Variants in CACNA2D3 observed in about 807,000 individuals in gnomAD.
CACNA2D3 encodes the protein calcium voltage-gated channel auxiliary subunit alpha2delta 3.
A neutral mutation model predicts 160.6 loss-of-function variants in CACNA2D3; 60 were observed. The observed-to-expected ratio is 0.37, with a 90% CI of 0.30 to 0.46. The LOEUF (loss-of-function observed/expected upper bound fraction) is 0.46. CACNA2D3 is among the 20% of genes least tolerant of loss of function. The pLI, the probability that CACNA2D3 is intolerant of heterozygous loss-of-function variation, is 1.00. For synonymous variants in CACNA2D3, 558 were observed against 492.9 expected (o/e 1.13, Z -1.75); for missense variants, 1,205 against 1,365.0 (o/e 0.88, Z 1.85).
At chr3:54,576,771 A>T (rs910427169) in intron 8 of CACNA2D3, among the ~76,000 whole-genome samples, 8 of 152,202 alleles carry the variant, frequency 5.3e-5, no homozygotes, top group African/African-American at 1.9e-4. Flanking sequence ...GCAGTGGCTC[A>T]TGCCTATAAT....
intron 4 of CACNA2D3, among the ~76,000 whole-genome samples, chr3:54,438,372 T>C (rs943731637): frequency 6.6e-6 from 1 of 152,246 alleles, no homozygotes; most frequent in African/African-American, 2.4e-5. Context: ...ATGGGTGATT[T>C]ACCTTTACCA....
intron 2 of CACNA2D3, among the ~76,000 whole-genome samples, chr3:54,199,231 C>T (rs144283669): frequency 4.6e-5 from 7 of 152,324 alleles, no homozygotes; most frequent in African/African-American, 1.7e-4. Flanking sequence ...CTGGTTTCCT[C>T]TGTATCCCCA....
chr3:54,996,526 T>A (rs1353062436), intron 31 of CACNA2D3, among the ~76,000 whole-genome samples: 1 of 152,192 alleles, frequency 6.6e-6, no homozygotes, highest in Non-Finnish European at 1.5e-5. Flanking sequence ...GGGACTGTCT[T>A]GATGCTTGAA....
In CACNA2D3 at chr3:54,810,782, A is replaced by G. The variant is rs910699156; in HGVS notation, c.1381-6071A>G. 3.9e-5 allele frequency among the ~76,000 whole-genome samples: 6 copies of G among 152,240 alleles called. No homozygotes were observed. In the East Asian group the frequency reaches 1.2e-3, roughly 29 times the overall value. ...GTTTGGAACTTCGTTGAGCTAGAGC[A>G]CTAGATGTCCCTTCAATCACCCCCA... is the stretch of plus-strand genomic sequence containing the variant. On this transcript the variant is annotated intron_variant, in intron 13 of 37. Coordinates refer to ENST00000474759, the MANE Select transcript of CACNA2D3 (RefSeq NM_018398.3).
intron 35 of CACNA2D3, among the ~76,000 whole-genome samples, chr3:55,039,123 G>T (rs1422447092): frequency 6.6e-6 from 1 of 151,738 alleles, no homozygotes; most frequent in Non-Finnish European, 1.5e-5. Context: ...TAGCATCTTC[G>T]CAAAATACAT....
intron 9 of CACNA2D3, among the ~76,000 whole-genome samples, chr3:54,608,184 G>A (rs1345449092): frequency 6.6e-6 from 1 of 152,304 alleles, no homozygotes; most frequent in East Asian, 1.9e-4. Context: ...AATGAAGTCT[G>A]TAGTTAGGTT....
intron 9 of CACNA2D3, among the ~76,000 whole-genome samples, chr3:54,590,957 T>G (rs1032338548): frequency 2.6e-5 from 4 of 152,182 alleles, no homozygotes; most frequent in Admixed American, 6.5e-5. Flanking sequence ...GTTTTGATGT[T>G]CTTACCGTAT....
At chr3:54,283,659 C>T (rs1043567135) in intron 2 of CACNA2D3, among the ~76,000 whole-genome samples, 1 of 152,158 alleles carries the variant, frequency 6.6e-6, no homozygotes, top group African/African-American at 2.4e-5. Context: ...TGTAATTGCA[C>T]AAGTTGGGAT....
At chr3:54,636,633 A>G (rs1412021883) in intron 10 of CACNA2D3, among the ~76,000 whole-genome samples, 1 of 152,062 alleles carries the variant, frequency 6.6e-6, no homozygotes, top group Non-Finnish European at 1.5e-5. Flanking sequence ...CAGAAAGGCT[A>G]CAGGGTGTGG....
intron 2 of CACNA2D3, among the ~76,000 whole-genome samples, chr3:54,286,953 G>A (rs1703044889): frequency 6.6e-6 from 1 of 152,128 alleles, no homozygotes; most frequent in African/African-American, 2.4e-5. Flanking sequence ...GGAACAACCA[G>A]TACCAGCCAC....
At position 54,878,909 on chromosome 3, in the gene CACNA2D3, C is replaced by T. The variant is rs1699726440; in HGVS notation, c.1711-109C>T. On this transcript the variant is annotated intron_variant, in intron 18 of 37. Transcript: ENST00000474759. ...TTTTATTCTTCAGAAGCTCTGTTTT[C>T]GAGGTGTAAGTTCAATATGGAGGCT... 30 of 577,610 alleles carry T rather than the reference C, an allele frequency of 5.2e-5. 1 individual carries two copies. The South Asian group carries it at 7.0e-4, about 14-fold the overall frequency. 35.8% of individuals were successfully genotyped at this position (577,610 alleles called of 1,614,324 possible).
chr3:54,350,982 G>GTTTTTTTTTTTTTTTT (rs1491034355), intron 3 of CACNA2D3, among the ~76,000 whole-genome samples: 1 of 61,800 alleles, frequency 1.6e-5, no homozygotes, highest in Admixed American at 2.0e-4. Context: ...TTTTTTTTTT[G>GTTTTTTTTTTTTTTTT]TTTGTTTTTT....
intron 11 of CACNA2D3, among the ~76,000 whole-genome samples, chr3:54,678,369 T>C (rs1015112193): frequency 1.3e-5 from 2 of 151,958 alleles, no homozygotes; most frequent in Admixed American, 6.6e-5. Flanking sequence ...ATAGGAAAGA[T>C]TGGGCGTAGA....
intron 4 of CACNA2D3, among the ~76,000 whole-genome samples, chr3:54,438,389 A>G (rs1040782753): frequency 6.6e-6 from 1 of 152,240 alleles, no homozygotes; most frequent in Non-Finnish European, 1.5e-5. Context: ...ACCAACCAAA[A>G]TAAGGACCAC....
intron 2 of CACNA2D3, among the ~76,000 whole-genome samples, chr3:54,265,207 T>G (rs748167833): frequency 3.9e-4 from 59 of 152,184 alleles, no homozygotes; most frequent in Non-Finnish European, 8.1e-4. Context: ...ACCAACAGTG[T>G]TAAAGCCTTC....
intron 27 of CACNA2D3, among the ~76,000 whole-genome samples, chr3:54,945,989 C>A (rs1243719980): frequency 6.6e-6 from 1 of 152,202 alleles, no homozygotes; most frequent in Non-Finnish European, 1.5e-5. Context: ...CACGCTTATT[C>A]GCCTAGCTCT....
chr3:54,783,242 C>A (rs1184969013), intron 13 of CACNA2D3, among the ~76,000 whole-genome samples: 1 of 152,034 alleles, frequency 6.6e-6, no homozygotes, highest in Admixed American at 6.6e-5. Context: ...TGTTCCTGTT[C>A]CCACAAGTTT....
chr3:54,565,749 C>T (rs939845614), intron 6 of CACNA2D3, among the ~76,000 whole-genome samples: 3 of 152,124 alleles, frequency 2.0e-5, no homozygotes, highest in Non-Finnish European at 2.9e-5. Flanking sequence ...TCTGATACCC[C>T]GTTTCCAAGG....
At chr3:54,917,079 A>T (rs1248141469) in intron 27 of CACNA2D3, among the ~76,000 whole-genome samples, 5 of 152,230 alleles carry the variant, frequency 3.3e-5, no homozygotes, top group Admixed American at 3.3e-4. Context: ...TTTAATACTA[A>T]CAGGTGACTG....
Sources: gnomAD v4.1 joint callset for allele counts (sites outside exome capture counted in the v4.1 genomes callset) on GRCh38, gnomAD v4.1.1 for gene constraint, MANE v1.5 for transcripts, NCBI Gene and HGNC (gene_info 2026-07-23, HGNC 2026-07-21) for gene names.